The following TGDS variants were observed in gnomAD, a reference collection of about 807,000 sequenced individuals.
TGDS encodes the protein TDP-glucose 4,6-dehydratase, also known as UDP-D-glucose 4,6-dehydratase.
In TGDS, 47 loss-of-function variants were observed where a neutral mutation model predicts 52.3. The ratio of observed to expected loss-of-function variants is 0.90; its 90% CI spans 0.71 to 1.15. The LOEUF (loss-of-function observed/expected upper bound fraction) is 1.15. TGDS is among the 50% of genes most tolerant of loss of function. The pLI is 0.00. For missense variants in TGDS, 375 were observed against 418.4 expected, an observed-to-expected ratio of 0.90 and a Z score of 0.90; for synonymous variants, 115 against 136.9, an observed-to-expected ratio of 0.84 and a Z score of 1.12.
chr13:94,591,592 G>A (rs1170200335), intron 3 of TGDS, among the ~76,000 whole-genome samples: 4 of 151,994 alleles, frequency 2.6e-5, no homozygotes, highest in African/African-American at 4.8e-5. Context: ...ACTCTGTCTC[G>A]AAAAAATATA....
At chr13:94,575,747 T>C (rs1172618797) in intron 11 of TGDS, among the ~76,000 whole-genome samples, 1 of 152,198 alleles carries the variant, frequency 6.6e-6, no homozygotes, top group Admixed American at 6.5e-5. Flanking sequence ...CTTTTTTTTC[T>C]ACATCTGGGT....
intron 5 of TGDS, among the ~76,000 whole-genome samples, chr13:94,582,673 A>C (rs1287498666): frequency 6.6e-6 from 1 of 152,230 alleles, no homozygotes; most frequent in Non-Finnish European, 1.5e-5. Context: ...AGCCACCCTC[A>C]ATCTGAGTAT....
chr13:94,596,098 G>T lies in TGDS; in HGVS notation c.39C>A (p.Pro13=). Residue 13 remains proline, a synonymous_variant, in exon 1 of 12, where the codon CCC becomes CCA. Transcript: ENST00000261296. The stretch of plus-strand genomic sequence containing the variant: ...CCAGGACCCGCTTCGCAAAGCCGCC[G>T]GGAAGACCCCACGGTTCCTCCCAAC... ...AACWEEPWGL[P]GGFAKRVLVT... is the part of the protein sequence containing the mutation. The T allele has an allele frequency of 1.2e-6, 2 of 1,614,106 alleles. No individual in the cohort carries two copies. Among genetic ancestry groups the T allele is most frequent in the Non-Finnish European group, 1.7e-6 (2 of 1,180,016 alleles).
In TGDS at chr13:94,583,122, T is replaced by A. The variant is rs1888857572; in HGVS notation, c.428A>T (p.Asp143Val). Residue 143 changes from aspartate (D) to valine (V), a missense_variant, in exon 5 of 12, where the codon GAT (aspartate) becomes GTT (valine). Coordinates refer to ENST00000261296, the MANE Select transcript of TGDS (RefSeq NM_014305.4). ...RVEKFIYVST[D>V]EVYGGSLDKE... is the part of the protein sequence containing the mutation. ...ATCAAGACTGCCACCATATACTTCA[T>A]CTGTGCTGACATAAATAAACTTCTC... 1 of 1,613,778 alleles carries A rather than the reference T, an allele frequency of 6.2e-7. No individual in the cohort carries two copies. The highest frequency in any genetic ancestry group is 1.7e-5 in the Admixed American group (1 of 59,998).
rs190269777 is a variant in TGDS, at chr13:94,592,519, C to T, written c.154-210G>A. On this transcript the variant is annotated intron_variant, in intron 2 of 11. Coordinates refer to ENST00000261296, the MANE Select transcript of TGDS (RefSeq NM_014305.4). ...CCAGGCTGTAGTGCAGTGGCGCAAT[C>T]TCTGCTCAGCACAAGCTCCGCCTCC... 2.9e-3 allele frequency among the ~76,000 whole-genome samples: 442 copies of T among 152,284 alleles called. 1 individual carries two copies. Among genetic ancestry groups the T allele is most frequent in the Non-Finnish European group, 5.2e-3 (351 of 68,022 alleles).
chr13:94,579,264 G>A lies in TGDS; in HGVS notation c.616-491C>T, dbSNP rs140799516. ...GCAAACAGATCAATGCAACCAGCTG[G>A]GAAGCAAGAAAACCCAGTCTCCAAA... On this transcript the variant is annotated intron_variant, in intron 7 of 11. Coordinates refer to ENST00000261296, the MANE Select transcript of TGDS (RefSeq NM_014305.4). 1,029 of 152,614 alleles carry A rather than the reference G, an allele frequency of 6.7e-3. 15 individuals carry two copies. Among genetic ancestry groups the A allele is most frequent in the African/African-American group, 0.023 (971 of 41,532 alleles). 9.5% of individuals were successfully genotyped at this position (152,614 alleles called of 1,614,324 possible).
At chr13:94,580,229 A>G (rs535956253) in intron 6 of TGDS, among the ~76,000 whole-genome samples, 1 of 152,234 alleles carries the variant, frequency 6.6e-6, no homozygotes, top group Non-Finnish European at 1.5e-5. Context: ...TCTGACTGAT[A>G]GCAAAACACG....
intron 5 of TGDS, among the ~76,000 whole-genome samples, chr13:94,582,855 T>C (rs1159718483): frequency 6.6e-6 from 1 of 152,208 alleles, no homozygotes; most frequent in African/African-American, 2.4e-5. Context: ...CTGGCTCTCC[T>C]TGCTCCTCAG....
At chr13:94,586,749 TTA>T (rs1307967883) in intron 4 of TGDS, among the ~76,000 whole-genome samples, 794 of 21,816 alleles carry the variant, frequency 0.036, 25 homozygotes, top group Non-Finnish European at 0.043. Context: ...AGAAATCAAA[TTA>T]TTTTTTTTTT....
At chr13:94,586,247 C>CAAAT (rs1888978034) in intron 4 of TGDS, among the ~76,000 whole-genome samples, 1 of 152,008 alleles carries the variant, frequency 6.6e-6, no homozygotes, top group African/African-American at 2.4e-5. Flanking sequence ...AATCAAAATC[C>CAAAT]AAATACATGT....
intron 3 of TGDS, among the ~76,000 whole-genome samples, chr13:94,591,699 A>C (rs1454833279): frequency 6.6e-6 from 1 of 152,234 alleles, no homozygotes. Context: ...AATTATTCTA[A>C]AAATATGTAT....
chr13:94,584,206 A>G (rs1256710146), intron 4 of TGDS, among the ~76,000 whole-genome samples: 1 of 152,228 alleles, frequency 6.6e-6, no homozygotes, highest in Admixed American at 6.5e-5. Flanking sequence ...TGTTCTCCCC[A>G]TAATTCATCT....
intron 8 of TGDS, among the ~76,000 whole-genome samples, chr13:94,578,430 C>T (rs1385611983): frequency 1.3e-5 from 2 of 152,022 alleles, no homozygotes; most frequent in African/African-American, 4.8e-5. Flanking sequence ...AAAGAAATAT[C>T]TACAGTTCTA....
chr13:94,577,462 T>C, intron 9 of TGDS, 33 bp from the exon 10 acceptor site: 1 of 1,521,874 alleles, frequency 6.6e-7, no homozygotes, highest in Non-Finnish European at 8.8e-7. Context: ...TGAGTCAAAT[T>C]ATAAAATGAG....
intron 3 of TGDS, 23 bp from the exon 4 acceptor site, chr13:94,590,966 A>T (rs368099563): frequency 1.6e-5 from 25 of 1,542,678 alleles, no homozygotes; most frequent in Non-Finnish European, 2.0e-5. Context: ...GCAAACATGA[A>T]AGGGCCTAGG....
Position 94,592,260 on chromosome 13 carries a change from T to C in TGDS, c.203A>G (p.Gln68Arg), listed in dbSNP as rs770016149. 1.4e-5 allele frequency: 23 copies of C among 1,611,074 alleles called. No individual in the cohort carries two copies. The Admixed American group carries it at 1.9e-4, about 13-fold the overall frequency. Residue 68 changes from glutamine to arginine, a missense_variant, in exon 3 of 12, where the codon CAG (glutamine) becomes CGG (arginine). Coordinates refer to ENST00000261296, the MANE Select transcript of TGDS (RefSeq NM_014305.4). ...LKNLETISNKQNYKFIQGDIC... is the reference protein window; with the variant it reads ...LKNLETISNKRNYKFIQGDIC... ...TCATACCTGTATAAATTTGTAGTTC[T>C]GTTTGTTAGAAATGGTTTCAAGATT...
At chr13:94,577,453 G>T in intron 9 of TGDS, 24 bp from the exon 10 acceptor site, 1 of 1,536,006 alleles carries the variant, frequency 6.5e-7, no homozygotes. Flanking sequence ...AAAAGCTTTT[G>T]AGTCAAATTA....
At chr13:94,579,466 G>C (rs1888713425) in intron 7 of TGDS, 3 of 153,500 alleles carry the variant, frequency 2.0e-5, no homozygotes, top group Admixed American at 1.3e-4. Context: ...CTGACACTAA[G>C]ACAGTTAATG....
intron 4 of TGDS, among the ~76,000 whole-genome samples, chr13:94,587,841 C>CA (rs1435791409): frequency 6.6e-6 from 1 of 150,764 alleles, no homozygotes; most frequent in African/African-American, 2.4e-5. Flanking sequence ...ATTAAAAATA[C>CA]AAAAAATTAG....
Sources: allele counts gnomAD v4.1 joint callset (sites outside exome capture counted in the v4.1 genomes callset), GRCh38; gene constraint gnomAD v4.1.1; transcripts MANE v1.5; gene names NCBI Gene and HGNC (gene_info 2026-07-23, HGNC 2026-07-21).